Variants in GDAP1 observed in about 807,000 individuals in gnomAD.
GDAP1 encodes the protein ganglioside-induced differentiation-associated protein 1.
GDAP1 carries 34 observed loss-of-function variants against 40.1 expected under a neutral mutation model. The ratio of observed to expected loss-of-function variants is 0.85; its 90% CI spans 0.64 to 1.13. The LOEUF (loss-of-function observed/expected upper bound fraction) is 1.13, where lower values mean the gene tolerates loss of function less well. Among genes scored for constraint, GDAP1 ranks in the 50% most tolerant of loss-of-function variants. The pLI, the probability that GDAP1 is intolerant of heterozygous loss-of-function variation, is 0.00. For synonymous variants in GDAP1, 170 were observed against 157.4 expected (o/e 1.08, Z -0.60); for missense variants, 374 against 433.7 (o/e 0.86, Z 1.22).
chr8:74,390,625 G>C (rs373850783), intron 2 of GDAP1, among the ~76,000 whole-genome samples: 1 of 152,212 alleles, frequency 6.6e-6, no homozygotes, highest in East Asian at 1.9e-4. Context: ...GTTGACCCTT[G>C]CTGGGAGGTG....
At chr8:74,355,358 A>C (rs1015908209) in intron 2 of GDAP1, among the ~76,000 whole-genome samples, 1 of 152,226 alleles carries the variant, frequency 6.6e-6, no homozygotes, top group African/African-American at 2.4e-5. Context: ...CGAAATCATT[A>C]GCAGCTTGCT....
Position 74,415,382 on chromosome 8 carries a change from C to T in GDAP1, c.165+64061C>T, listed in dbSNP as rs1318673813. 2.7e-5 allele frequency among the ~76,000 whole-genome samples: 4 copies of T among 149,968 alleles called. 1 individual carries two copies. The highest frequency in any genetic ancestry group is 7.6e-5 in the African/African-American group (3 of 39,328). On this transcript the variant is annotated intron_variant, in intron 2 of 2. Coordinates refer to the GDAP1 transcript ENST00000523640. ...TTGGAGGCATCGTTAGCATGCCTCC[C>T]CCACTTGGAAAGAAAATATTAATAG... is the stretch of plus-strand genomic sequence containing the variant.
At chr8:74,431,733 G>A (rs1166798308) in intron 2 of GDAP1, among the ~76,000 whole-genome samples, 1 of 151,672 alleles carries the variant, frequency 6.6e-6, no homozygotes, top group African/African-American at 2.4e-5. Flanking sequence ...TGCCTGCGTC[G>A]GCCTCCCAAA....
chr8:74,485,232 C>A (rs1437182109), intron 2 of GDAP1, among the ~76,000 whole-genome samples: 3 of 152,040 alleles, frequency 2.0e-5, no homozygotes, highest in Non-Finnish European at 4.4e-5. Flanking sequence ...AAAGTTATTC[C>A]AAATCCAAAG....
rs183524156 is a variant in GDAP1 at position 74,386,113 on chromosome 8, C to A, written c.165+34792C>A. 2.3e-4 allele frequency among the ~76,000 whole-genome samples: 35 copies of A among 152,250 alleles called. No homozygotes were observed. The East Asian group carries it at 6.7e-3, about 29-fold the overall frequency. The stretch of plus-strand genomic sequence containing the variant: ...ATCCCTTTGTCAAATGGATAGACTG[C>A]AAATATTTTCTCCCATTCTGTAGGT... On this transcript the variant is annotated intron_variant, in intron 2 of 2. Coordinates refer to the GDAP1 transcript ENST00000523640.
intron 2 of GDAP1, among the ~76,000 whole-genome samples, chr8:74,392,920 C>T (rs1294369264): frequency 6.6e-6 from 1 of 152,196 alleles, no homozygotes; most frequent in East Asian, 1.9e-4. Flanking sequence ...GAAAAATCTA[C>T]AGGGTCAAGA....
intron 2 of GDAP1, among the ~76,000 whole-genome samples, chr8:74,397,416 C>A (rs917815278): frequency 6.6e-6 from 1 of 152,080 alleles, no homozygotes; most frequent in African/African-American, 2.4e-5. Flanking sequence ...GTGTTTTAGT[C>A]GTGAAGTCCT....
chr8:74,361,002 A>G (rs1489216293), intron 3 of GDAP1, among the ~76,000 whole-genome samples: 2 of 152,058 alleles, frequency 1.3e-5, no homozygotes, highest in Non-Finnish European at 1.5e-5. Flanking sequence ...ACTCACCTTT[A>G]TTATTCTTAT....
At chr8:74,374,735 G>A (rs1809822476) in intron 2 of GDAP1, among the ~76,000 whole-genome samples, 1 of 151,940 alleles carries the variant, frequency 6.6e-6, no homozygotes, top group Admixed American at 6.6e-5. Flanking sequence ...TGCTAACTTA[G>A]CAACTAGATG....
intron 2 of GDAP1, among the ~76,000 whole-genome samples, chr8:74,477,693 C>T (rs1586847572): frequency 6.6e-6 from 1 of 152,126 alleles, no homozygotes; most frequent in East Asian, 1.9e-4. Flanking sequence ...GACTGCTGGT[C>T]ACAACACTCT....
intron 2 of GDAP1, among the ~76,000 whole-genome samples, chr8:74,405,372 T>C (rs1318991267): frequency 6.7e-6 from 1 of 150,208 alleles, no homozygotes; most frequent in Non-Finnish European, 1.5e-5. Flanking sequence ...ATAGTTATTA[T>C]ACTGTATTGT....
At chr8:74,435,370 A>G (rs1008645994) in intron 2 of GDAP1, among the ~76,000 whole-genome samples, 3 of 152,242 alleles carry the variant, frequency 2.0e-5, no homozygotes, top group Non-Finnish European at 2.9e-5. Context: ...CTATTGGAAA[A>G]CACACTAGTA....
intron 2 of GDAP1, among the ~76,000 whole-genome samples, chr8:74,421,694 GA>G (rs1805859576): frequency 6.6e-6 from 1 of 152,144 alleles, no homozygotes; most frequent in Non-Finnish European, 1.5e-5. Context: ...TCCTCAAGGG[GA>G]AATTATGTTG....
intron 2 of GDAP1, among the ~76,000 whole-genome samples, chr8:74,442,054 A>T (rs551836628): frequency 2.6e-5 from 4 of 152,228 alleles, no homozygotes; most frequent in African/African-American, 7.2e-5. Flanking sequence ...TCTTGCTACC[A>T]TTTAAAACTT....
chr8:74,379,214 C>T (rs1248146587), intron 2 of GDAP1, among the ~76,000 whole-genome samples: 2 of 150,188 alleles, frequency 1.3e-5, no homozygotes, highest in African/African-American at 4.9e-5. Flanking sequence ...TTGGAACCCT[C>T]ATATGAATTT....
At chr8:74,466,320 T>G (rs1200918577) in intron 2 of GDAP1, among the ~76,000 whole-genome samples, 1 of 152,114 alleles carries the variant, frequency 6.6e-6, no homozygotes, top group Non-Finnish European at 1.5e-5. Flanking sequence ...GAACCATAGC[T>G]TTGGAGGGTT....
intron 2 of GDAP1, among the ~76,000 whole-genome samples, chr8:74,388,162 G>GTC (rs750658208): frequency 4.2e-4 from 63 of 151,520 alleles, no homozygotes; most frequent in East Asian, 1.7e-3. Flanking sequence ...GGTTTTTCGT[G>GTC]TCTCTCTCTC....
chr8:74,424,408 T>A (rs10103065), intron 2 of GDAP1, among the ~76,000 whole-genome samples: 65,195 of 151,878 alleles, frequency 0.43, 14,814 homozygotes, highest in African/African-American at 0.59. Context: ...CCATTCTGTC[T>A]TCATTTAGCC....
intron 2 of GDAP1, among the ~76,000 whole-genome samples, chr8:74,485,656 G>A (rs995297562): frequency 2.6e-5 from 4 of 152,064 alleles, no homozygotes; most frequent in African/African-American, 7.2e-5. Flanking sequence ...GAACCTGAAG[G>A]CTGGAGAGAC....
Sources: gnomAD v4.1 joint callset for allele counts (sites outside exome capture counted in the v4.1 genomes callset) on GRCh38, gnomAD v4.1.1 for gene constraint, MANE v1.5 for transcripts, NCBI Gene and HGNC (gene_info 2026-07-23, HGNC 2026-07-21) for gene names.